The following PLS3 variants were observed in gnomAD, a reference collection of about 807,000 sequenced individuals.
PLS3 encodes the protein plastin 3, also known as plastin-3.
PLS3 carries 11 observed loss-of-function variants against 46.5 expected under a neutral mutation model. That is an observed-to-expected ratio of 0.24 (90% CI 0.15 to 0.39). The LOEUF is 0.39. PLS3 is among the 10% of genes least tolerant of loss of function. The pLI is 1.00. For synonymous variants in PLS3, 167 were observed against 162.2 expected, an observed-to-expected ratio of 1.03 and a Z score of -0.22; for missense variants, 308 against 461.8, an observed-to-expected ratio of 0.67 and a Z score of 3.05.
At chrX:115,620,701 CTTTTCTTTTTT>C (rs2074641692) in intron 2 of PLS3, among the ~76,000 whole-genome samples, 2 of 81,521 alleles carry the variant, frequency 2.5e-5, no homozygotes, top group African/African-American at 9.3e-5. Context: ...TTTTTTTTTT[CTTTTCTTTTTT>C]TTTTTTTTTT....
Position 115,620,701 on chromosome X carries a change from CTTTTCTTTTTTT to C in PLS3, c.74-1540_74-1529del, listed in dbSNP as rs1569528162. 1.4e-3 allele frequency among the ~76,000 whole-genome samples: 111 copies of C among 81,522 alleles called. 1 individual carries two copies. The highest frequency in any genetic ancestry group is 5.0e-3 in the African/African-American group (108 of 21,591). 70.8% of individuals were successfully genotyped at this position (81,522 alleles called of 115,157 possible). A position where few individuals can be genotyped will look rare whatever the true frequency, so the allele number is the denominator to read the frequency against. On this transcript the variant is annotated intron_variant, in intron 2 of 15. Coordinates refer to ENST00000355899, the MANE Select transcript of PLS3 (RefSeq NM_005032.7). ...CCTTATGCTTTTTTCTTTTTTTTTT[CTTTTCTTTTTTT>C]TTTTTTTTTTTTTTTTTGAGATGGA...
intron 5 of PLS3, among the ~76,000 whole-genome samples, chrX:115,631,679 G>A (rs2074777413): frequency 9.0e-6 from 1 of 111,400 alleles, no homozygotes; most frequent in South Asian, 3.8e-4. Flanking sequence ...GCGGCAGTGA[G>A]CCAGGATTTG....
chrX:115,561,729 A>T (rs2074136720), intron 1 of PLS3, among the ~76,000 whole-genome samples: 1 of 109,932 alleles, frequency 9.1e-6, no homozygotes. Flanking sequence ...TCCCGGAGCC[A>T]GCAGCCTGCT....
chrX:115,645,004 G>A lies in PLS3; in HGVS notation c.1184-17G>A. On this transcript the variant is annotated splice_polypyrimidine_tract_variant and intron_variant, in intron 10 of 15. Coordinates refer to ENST00000355899, the MANE Select transcript of PLS3 (RefSeq NM_005032.7). ...AGTGTTTAATGAATCAGTAAATTTT[G>A]TGAATATTCTTAACAGGAGAAACTC... is the stretch of plus-strand genomic sequence containing the variant. The A allele has an allele frequency of 9.3e-7, 1 of 1,081,068 alleles. No homozygotes were observed. The highest frequency in any genetic ancestry group is 1.3e-6 in the Non-Finnish European group (1 of 777,743). 89.1% of individuals were successfully genotyped at this position (1,081,068 alleles called of 1,213,427 possible).
At chrX:115,615,308 A>G (rs2074586394) in intron 2 of PLS3, among the ~76,000 whole-genome samples, 1 of 111,150 alleles carries the variant, frequency 9.0e-6, no homozygotes, top group African/African-American at 3.3e-5. Context: ...AAGGATATGC[A>G]TTCTTGGTGT....
At chrX:115,573,538 G>T (rs2074229876) in intron 1 of PLS3, among the ~76,000 whole-genome samples, 1 of 112,282 alleles carries the variant, frequency 8.9e-6, no homozygotes, top group African/African-American at 3.2e-5. Context: ...ATTCATGTAT[G>T]CAGAAGTCCC....
At chrX:115,636,299 C>T (rs782549604) in intron 7 of PLS3, among the ~76,000 whole-genome samples, 7 of 106,851 alleles carry the variant, frequency 6.6e-5, no homozygotes, top group South Asian at 4.4e-4. Context: ...CTCCACCTCC[C>T]GGGTTCACGC....
intron 8 of PLS3, among the ~76,000 whole-genome samples, chrX:115,637,846 C>G (rs782589915): frequency 8.9e-6 from 1 of 112,128 alleles, no homozygotes; most frequent in African/African-American, 3.2e-5. Flanking sequence ...GCCTGTACTA[C>G]TGATTTCATC....
intron 5 of PLS3, among the ~76,000 whole-genome samples, chrX:115,631,218 G>T (rs180909838): frequency 0.016 from 1,660 of 105,743 alleles, 37 homozygotes; most frequent in African/African-American, 0.055. Context: ...ACCACACCCG[G>T]CTAAATTTTT....
At chrX:115,634,405 AT>A (rs1179815219) in intron 6 of PLS3, among the ~76,000 whole-genome samples, 7 of 110,837 alleles carry the variant, frequency 6.3e-5, no homozygotes, top group East Asian at 5.7e-4. Context: ...GAAATGGAGC[AT>A]TTTTTTTTCT....
At chrX:115,645,166 T>G (rs1360741913) in intron 11 of PLS3, 67 bp downstream of exon 11, 1 of 650,606 alleles carries the variant, frequency 1.5e-6, no homozygotes, top group East Asian at 3.3e-5. Context: ...TAATGACAGC[T>G]CTAAAGATTT....
chrX:115,641,381 CCAT>C (rs2074894598), intron 9 of PLS3, among the ~76,000 whole-genome samples: 2 of 108,511 alleles, frequency 1.8e-5, no homozygotes, highest in Admixed American at 1.0e-4. Flanking sequence ...GCGCCCACCA[CCAT>C]GCCCAGCTAG....
intron 3 of PLS3, among the ~76,000 whole-genome samples, chrX:115,623,563 G>A (rs2074677835): frequency 9.0e-6 from 1 of 111,463 alleles, no homozygotes; most frequent in African/African-American, 3.3e-5. Context: ...AAGAATAGTT[G>A]TTGCTTCTTC....
At chrX:115,639,684 G>C (rs1481202559) in intron 8 of PLS3, 5 of 327,643 alleles carry the variant, frequency 1.5e-5, no homozygotes, top group Non-Finnish European at 2.9e-5. Context: ...CGTGTGTAAA[G>C]GTTCTTAATA....
intron 1 of PLS3, among the ~76,000 whole-genome samples, chrX:115,579,965 G>A (rs897739019): frequency 7.2e-5 from 8 of 111,436 alleles, no homozygotes; most frequent in Admixed American, 5.8e-4. Flanking sequence ...GCAGTACTCC[G>A]CCCTTGGCCT....
intron 1 of PLS3, among the ~76,000 whole-genome samples, chrX:115,596,324 C>T (rs1406768251): frequency 7.1e-5 from 8 of 111,901 alleles, no homozygotes; most frequent in Non-Finnish European, 1.3e-4. Flanking sequence ...TCACCTCCAT[C>T]GAAGTTTATT....
chrX:115,647,470 G>A, intron 13 of PLS3, 80 bp from the exon 14 acceptor site: 1 of 899,390 alleles, frequency 1.1e-6, no homozygotes, highest in Non-Finnish European at 1.6e-6. Context: ...TATAAAAAGT[G>A]GAAGATAAAG....
At chrX:115,636,381 A>T (rs902706293) in intron 7 of PLS3, among the ~76,000 whole-genome samples, 4 of 109,414 alleles carry the variant, frequency 3.7e-5, no homozygotes, top group Non-Finnish European at 7.6e-5. Flanking sequence ...TAATTTTTTG[A>T]ATTTTTAGTA....
intron 1 of PLS3, among the ~76,000 whole-genome samples, chrX:115,570,986 C>T (rs2074211624): frequency 9.5e-6 from 1 of 105,078 alleles, no homozygotes; most frequent in Non-Finnish European, 1.9e-5. Context: ...ACCTCCGCCT[C>T]CGGGTTCATG....
Sources: gnomAD v4.1 joint callset for allele counts (sites outside exome capture counted in the v4.1 genomes callset) on GRCh38, gnomAD v4.1.1 for gene constraint, MANE v1.5 for transcripts, NCBI Gene and HGNC (gene_info 2026-07-23, HGNC 2026-07-21) for gene names.